The following TXNL4B variants were observed in gnomAD, a reference collection of about 807,000 sequenced individuals.
The protein encoded by TXNL4B is thioredoxin-like protein 4B.
TXNL4B carries 12 observed loss-of-function variants against 13.0 expected under a neutral mutation model. The ratio of observed to expected loss-of-function variants is 0.92; its 90% CI spans 0.59 to 1.49. The LOEUF (loss-of-function observed/expected upper bound fraction) is 1.49. Ranked by LOEUF, TXNL4B falls within the 40% of genes most tolerant of loss-of-function variation. The pLI, the probability that TXNL4B is intolerant of heterozygous loss-of-function variation, is 0.00. For missense variants in TXNL4B, 214 were observed against 173.6 expected, an observed-to-expected ratio of 1.23 and a Z score of -1.31; for synonymous variants, 59 against 58.9, an observed-to-expected ratio of 1.00 and a Z score of -0.01.
At chr16:72,089,172 T>A in intron 2 of TXNL4B, 34 bp from the exon 3 acceptor site, 1 of 1,572,226 alleles carries the variant, frequency 6.4e-7, no homozygotes, top group Non-Finnish European at 8.7e-7. Flanking sequence ...GGTTACAATA[T>A]GAGAGGCAGC....
At chr16:72,089,860 T>C (rs180721854) in intron 2 of TXNL4B, among the ~76,000 whole-genome samples, 1 of 152,344 alleles carries the variant, frequency 6.6e-6, no homozygotes. Context: ...ATAGGGAAAC[T>C]GAGGCACAGG....
At chr16:72,088,127 C>T (rs184108620) in intron 3 of TXNL4B, among the ~76,000 whole-genome samples, 1 of 152,006 alleles carries the variant, frequency 6.6e-6, no homozygotes, top group African/African-American at 2.4e-5. Flanking sequence ...CCATGCCTGG[C>T]TAATTTTTGT....
rs2041810567 is a variant in TXNL4B at position 72,085,551 on chromosome 16, T to A, written c.*1086A>T. ...AACAATGCTGACATCTCTTTTAGTT[T>A]TGAGCCTTAGTAATCCAATTTTCTG... On this transcript the variant is annotated 3_prime_UTR_variant, in exon 4 of 4. Coordinates refer to ENST00000268483, the MANE Select transcript of TXNL4B (RefSeq NM_017853.3). The A allele has an allele frequency of 6.6e-6, 1 of 152,272 alleles. No homozygotes were observed. Among genetic ancestry groups the A allele is most frequent in the Non-Finnish European group, 1.5e-5 (1 of 68,088 alleles). The allele number at this position is 152,272 out of a possible 1,614,324, so 9.4% of individuals were successfully genotyped here.
rs372700969 is a variant in TXNL4B at position 72,086,650 on chromosome 16, T to C, written c.437A>G (p.Tyr146Cys). 13 of 1,613,036 alleles carry C rather than the reference T, an allele frequency of 8.1e-6. No individual in the cohort carries two copies. Among genetic ancestry groups the C allele is most frequent in the African/African-American group, 1.3e-5 (1 of 74,954 alleles). ...GCAATTAATGTACTAAATGTCTTGA[T>C]AGAGAAGGTCATATTTGGGAATATT... ...PKNIPKYDLL[Y>C]QDI The change falls in exon 4 of 4, where the codon TAT becomes TGT. Residue 146 changes from tyrosine (Y) to cysteine (C), a missense_variant. Transcript: ENST00000268483.
Position 72,090,760 on chromosome 16 carries a change from C to G in TXNL4B, c.-11G>C. Reference sequence around the variant, plus strand: ...CAGTAGGAAGCTCATCTTGAAATAACCCAAATGTGAATCCTCACTGTCACT... The same window carrying G: ...CAGTAGGAAGCTCATCTTGAAATAAGCCAAATGTGAATCCTCACTGTCACT... On this transcript the variant is annotated 5_prime_UTR_variant, in exon 2 of 4. Coordinates refer to ENST00000268483, the MANE Select transcript of TXNL4B (RefSeq NM_017853.3). The G allele has an allele frequency of 6.2e-7, 1 of 1,613,884 alleles. No individual in the cohort carries two copies. The highest frequency in any genetic ancestry group is 2.2e-5 in the East Asian group (1 of 44,868).
At position 72,086,188 on chromosome 16, in the gene TXNL4B, G is replaced by T. The variant is rs535849388; in HGVS notation, c.*449C>A. 1,029 of 150,686 alleles carry T rather than the reference G, an allele frequency of 6.8e-3. 2 individuals carry two copies. The highest frequency in any genetic ancestry group is 0.011 in the Non-Finnish European group (719 of 67,938). 9.3% of individuals were successfully genotyped at this position (150,686 alleles called of 1,614,324 possible). ...CGAGGAACCGGCAAAGGGGTGTGGG[G>T]GTGTGTGTGTGTGTGTGTGTGCACA... On this transcript the variant is annotated 3_prime_UTR_variant, in exon 4 of 4. Transcript: ENST00000268483.
intron 3 of TXNL4B, 83 bp downstream of exon 3, chr16:72,088,904 C>A (rs541266628): frequency 2.1e-4 from 231 of 1,100,486 alleles, no homozygotes; most frequent in Non-Finnish European, 3.0e-4. Context: ...GAGCCAACAT[C>A]ACATGGAAAT....
chr16:72,090,926 CCT>C (rs1209411031), intron 1 of TXNL4B, 140 bp from the exon 2 acceptor site: 7 of 695,844 alleles, frequency 1.0e-5, no homozygotes, highest in Non-Finnish European at 1.6e-5. Context: ...GTGGAGTTTC[CCT>C]CTCTTTGTCC....
At chr16:72,090,542 T>G (rs973251173) in intron 2 of TXNL4B, 76 bp downstream of exon 2, 1 of 1,481,628 alleles carries the variant, frequency 6.7e-7, no homozygotes. Flanking sequence ...CTACTCCCTC[T>G]CATGTACTAC....
chr16:72,089,452 C>T (rs1003527243), intron 2 of TXNL4B, among the ~76,000 whole-genome samples: 4 of 152,066 alleles, frequency 2.6e-5, no homozygotes, highest in Admixed American at 2.6e-4. Flanking sequence ...GGGAGTATTC[C>T]TGTCTATTCA....
upstream of TXNL4B, chr16:72,094,278 G>A (rs1011366864): frequency 2.0e-5 from 3 of 152,624 alleles, no homozygotes; most frequent in East Asian, 1.9e-4. Context: ...GCCTCGCTGA[G>A]ATCCAGGGAT....
In TXNL4B at chr16:72,084,981, CGTGAT is replaced by C; in HGVS notation, c.*1651_*1655del. 1 of 398,552 alleles carries C rather than the reference CGTGAT, an allele frequency of 2.5e-6. No individual in the cohort carries two copies. The highest frequency in any genetic ancestry group is 6.3e-4 in the Middle Eastern group (1 of 1,588). The allele number at this position is 398,552 out of a possible 1,614,324, so 24.7% of individuals were successfully genotyped here. A position where few individuals can be genotyped will look rare whatever the true frequency, so the allele number is the denominator to read the frequency against. On this transcript the variant is annotated 3_prime_UTR_variant, in exon 4 of 4. Coordinates refer to ENST00000268483, the MANE Select transcript of TXNL4B (RefSeq NM_017853.3). ...TTCTTCTTAGCATATCGATGTTTTA[CGTGAT>C]GCTGGGCACCTCGGGGACCTAAGAT...
In TXNL4B at chr16:72,090,798, G is replaced by T. The variant is rs1260761456; in HGVS notation, c.-37-12C>A. The T allele has an allele frequency of 2.5e-6, 4 of 1,610,634 alleles. No homozygotes were observed. The highest frequency in any genetic ancestry group is 3.4e-6 in the Non-Finnish European group (4 of 1,178,198). On this transcript the variant is annotated splice_polypyrimidine_tract_variant and intron_variant, in intron 1 of 3. Coordinates refer to ENST00000268483, the MANE Select transcript of TXNL4B (RefSeq NM_017853.3). ...CCTCACTGTCACTCCTGAAATAAAG[G>T]TGCAATGTTTAAAGACAGTTTAGAT...
Position 72,086,536 on chromosome 16 carries a change from G to A in TXNL4B, c.*101C>T. 1 of 1,168,350 alleles carries A rather than the reference G, an allele frequency of 8.6e-7. No homozygotes were observed. Among genetic ancestry groups the A allele is most frequent in the South Asian group, 1.6e-5 (1 of 62,898 alleles). The allele number at this position is 1,168,350 out of a possible 1,614,324, so 72.4% of individuals were successfully genotyped here. A position where few individuals can be genotyped will look rare whatever the true frequency, so the allele number is the denominator to read the frequency against. On this transcript the variant is annotated 3_prime_UTR_variant, in exon 4 of 4. Transcript: ENST00000268483. ...ACGCAAGTCAAACCTCTTCTCCTCT[G>A]GGACACATGTTTCCAAAGGACTCCA...
At chr16:72,089,161 A>C in intron 2 of TXNL4B, 23 bp from the exon 3 acceptor site, 1 of 1,589,538 alleles carries the variant, frequency 6.3e-7, no homozygotes. Context: ...AGAGAGACAA[A>C]GGTTACAATA....
In TXNL4B at chr16:72,086,611, C is replaced by A; in HGVS notation, c.*26G>T. 6.3e-7 allele frequency: 1 copy of A among 1,595,864 alleles called. No homozygotes were observed. Among genetic ancestry groups the A allele is most frequent in the Non-Finnish European group, 8.6e-7 (1 of 1,164,966 alleles). ...GTACTGTGTCAAGATGTGCCTTCTT[C>A]TTCATCTTTGACAGCAATTAATGTA... is the stretch of plus-strand genomic sequence containing the variant. On this transcript the variant is annotated 3_prime_UTR_variant, in exon 4 of 4. Coordinates refer to ENST00000268483, the MANE Select transcript of TXNL4B (RefSeq NM_017853.3).
intron 2 of TXNL4B, chr16:72,089,975 A>G (rs939150185): frequency 7.4e-6 from 3 of 403,088 alleles, no homozygotes; most frequent in Non-Finnish European, 1.5e-5. Flanking sequence ...CCTCTGTGGT[A>G]TTTCCTCCTG....
In TXNL4B at chr16:72,085,120, ACTCC is replaced by A. The variant is rs1489851763; in HGVS notation, c.*1513_*1516del. On this transcript the variant is annotated 3_prime_UTR_variant, in exon 4 of 4. Coordinates refer to ENST00000268483, the MANE Select transcript of TXNL4B (RefSeq NM_017853.3). ...CTCCTTTTGTCTTATTCCTGGAGTG[ACTCC>A]CTCCTCTTATCAGCAGGGATACAAG... The A allele has an allele frequency of 1.3e-5, 5 of 397,550 alleles. No individual in the cohort carries two copies. Among genetic ancestry groups the A allele is most frequent in the Admixed American group, 4.4e-5 (1 of 22,654 alleles). The allele number at this position is 397,550 out of a possible 1,614,324, so 24.6% of individuals were successfully genotyped here.
chr16:72,086,432 T>G lies in TXNL4B; in HGVS notation c.*205A>C, dbSNP rs2041823994. 3 of 453,194 alleles carry G rather than the reference T, an allele frequency of 6.6e-6. No individual in the cohort carries two copies. The highest frequency in any genetic ancestry group is 4.4e-5 in the South Asian group (1 of 22,982). 28.1% of individuals were successfully genotyped at this position (453,194 alleles called of 1,614,324 possible). ...ACCAATGACTTGGCTGCTCTGAGGC[T>G]TGCAGGGAGTAGACAGTTAGGCATC... is the stretch of plus-strand genomic sequence containing the variant. On this transcript the variant is annotated 3_prime_UTR_variant, in exon 4 of 4. Coordinates refer to ENST00000268483, the MANE Select transcript of TXNL4B (RefSeq NM_017853.3).
Sources: allele counts gnomAD v4.1 joint callset (sites outside exome capture counted in the v4.1 genomes callset), GRCh38; gene constraint gnomAD v4.1.1; transcripts MANE v1.5; gene names NCBI Gene and HGNC (gene_info 2026-07-23, HGNC 2026-07-21).